The following AGAP2 variants were observed in gnomAD, a reference collection of about 807,000 sequenced individuals.
The protein encoded by AGAP2 is arf-GAP with GTPase, ANK repeat and PH domain-containing protein 2.
AGAP2 carries 32 observed loss-of-function variants against 110.9 expected under a neutral mutation model. That is an observed-to-expected ratio of 0.29 (90% confidence interval 0.22 to 0.39). The LOEUF (loss-of-function observed/expected upper bound fraction) is 0.39. Ranked by LOEUF, AGAP2 falls within the 10% of genes least tolerant of loss-of-function variation. The probability of loss-of-function intolerance (pLI) is 1.00; values close to 1 mark genes in which losing one functional copy is unlikely to be tolerated. For synonymous variants in AGAP2, 702 were observed against 713.0 expected (o/e 0.98, Z 0.25); for missense variants, 1,285 against 1,638.5 (o/e 0.78, Z 3.72).
At position 57,726,402 on chromosome 12, in the gene AGAP2, C is replaced by T; in HGVS notation, c.*150G>A. On this transcript the variant is annotated 3_prime_UTR_variant, in exon 19 of 19. Coordinates refer to ENST00000547588, the MANE Select transcript of AGAP2 (RefSeq NM_001122772.3). The surrounding 1 kb of genome is among the most constrained non-coding windows in gnomAD (Gnocchi z 5.7). The stretch of plus-strand genomic sequence containing the variant: ...AGGTGAGTTTGTGTCTTCTGGAAGG[C>T]GTGGGGGCTGTGCCCTCGTGGGGGT... The T allele has an allele frequency of 1.4e-6, 1 of 736,896 alleles. No homozygotes were observed. Among genetic ancestry groups the T allele is most frequent in the Non-Finnish European group, 1.8e-6 (1 of 564,092 alleles). The allele number at this position is 736,896 out of a possible 1,614,324, so 45.6% of individuals were successfully genotyped here.
At chr12:57,736,221 C>T (rs1489687415) in intron 1 of AGAP2, among the ~76,000 whole-genome samples, 1 of 152,186 alleles carries the variant, frequency 6.6e-6, no homozygotes, top group Non-Finnish European at 1.5e-5. Flanking sequence ...CCGGGGGCCG[C>T]CTCCGCTCCC....
chr12:57,731,454 C>T lies in AGAP2; in HGVS notation c.2057G>A (p.Arg686Gln), dbSNP rs2140358838. 3 of 1,614,080 alleles carry T rather than the reference C, an allele frequency of 1.9e-6. No individual in the cohort carries two copies. The highest frequency in any genetic ancestry group is 1.6e-4 in the Middle Eastern group (1 of 6,062). Reference sequence around the variant, plus strand: ...TTCTTTGTTCAAGGAATTGCCACTTCGTTTTAGTAGGAAGCTCTGGAGAAA... The same window carrying T: ...TTCTTTGTTCAAGGAATTGCCACTTTGTTTTAGTAGGAAGCTCTGGAGAAA... ...IPIKQSFLLK[R>Q]SGNSLNKEWK... The change falls in exon 10 of 19, where the codon CGA becomes CAA. Residue 686 changes from arginine (R) to glutamine (Q), a missense_variant. Transcript: ENST00000547588.
intron 10 of AGAP2, among the ~76,000 whole-genome samples, 156 bp from the exon 11 acceptor site, chr12:57,731,109 G>C (rs1439941569): frequency 1.3e-5 from 2 of 152,132 alleles, no homozygotes; most frequent in Non-Finnish European, 2.9e-5. Context: ...ATCAGACTTG[G>C]CCCAGCAATT....
Position 57,727,395 on chromosome 12 carries a change from C to G in AGAP2, c.3045G>C (p.Thr1015=). 6.2e-7 allele frequency: 1 copy of G among 1,612,934 alleles called. No homozygotes were observed. Among genetic ancestry groups the G allele is most frequent in the African/African-American group, 1.3e-5 (1 of 75,064 alleles). Residue 1015 remains threonine (T), a synonymous_variant, in exon 17 of 19, where the codon ACG becomes ACC. Transcript: ENST00000547588. ...CCCGCGAGGGCTTGGCACGGCCTCG[C>G]GTGTCGCTTTCCCACACGCGGTTGG... ...DTANRVWESD[T]RGRAKPSRDS...
Position 57,730,932 on chromosome 12 carries a change from C to T in AGAP2, c.2167G>A (p.Gly723Ser), listed in dbSNP as rs1044230119. 6.4e-6 allele frequency: 10 copies of T among 1,566,650 alleles called. No individual in the cohort carries two copies. Among genetic ancestry groups the T allele is most frequent in the African/African-American group, 2.7e-5 (2 of 74,060 alleles). Residue 723 changes from glycine to serine, a missense_variant, in exon 11 of 19, where the codon GGC becomes AGC. Coordinates refer to ENST00000547588, the MANE Select transcript of AGAP2 (RefSeq NM_001122772.3). ...GTTCGCAGCAAGTCCATCTCCTTGC[C>T]GTGGGTACTGTGGATGTAATCCTGG... Reference protein sequence around the residue: ...SINDYIHSTHGKEMDLLRTTV... With the variant: ...SINDYIHSTHSKEMDLLRTTV...
chr12:57,726,439 C>T lies in AGAP2; in HGVS notation c.*113G>A, dbSNP rs1432290055. 1 of 1,062,642 alleles carries T rather than the reference C, an allele frequency of 9.4e-7. No homozygotes were observed. The highest frequency in any genetic ancestry group is 5.0e-5 in the Admixed American group (1 of 20,032). 65.8% of individuals were successfully genotyped at this position (1,062,642 alleles called of 1,614,324 possible). A position where few individuals can be genotyped will look rare whatever the true frequency, so the allele number is the denominator to read the frequency against. ...GCCCTCGTGGGGGTAGGAAGTGCTCCCGTGGGGCGGGGTGCGGATCGGAGA... is the reference window on the plus strand; with the variant it reads ...GCCCTCGTGGGGGTAGGAAGTGCTCTCGTGGGGCGGGGTGCGGATCGGAGA... On this transcript the variant is annotated 3_prime_UTR_variant, in exon 19 of 19. Coordinates refer to ENST00000547588, the MANE Select transcript of AGAP2 (RefSeq NM_001122772.3). The surrounding 1 kb of genome is among the most constrained non-coding windows in gnomAD (Gnocchi z 5.7).
At chr12:57,735,263 T>G in intron 2 of AGAP2, 106 bp downstream of exon 2, 2 of 1,114,932 alleles carry the variant, frequency 1.8e-6, no homozygotes, top group Non-Finnish European at 2.7e-6. Flanking sequence ...CGATTCCCTA[T>G]TCCCAAAGAG....
chr12:57,726,653 T>A lies in AGAP2; in HGVS notation c.3478A>T (p.Ser1160Cys). Residue 1160 changes from serine (S) to cysteine (C), a missense_variant, in exon 19 of 19, where the codon AGC (serine) becomes TGC (cysteine). Ser to Cys is a moderately radical substitution (Grantham distance 112). Coordinates refer to ENST00000547588, the MANE Select transcript of AGAP2 (RefSeq NM_001122772.3). The surrounding 1 kb of genome is among the most constrained non-coding windows in gnomAD (Gnocchi z 5.7). ...GTGATGCTGGGCGTGGTGGCCGCGC[T>A]GGGCGTGGTGGCCGCGCTGCCGCCC... is the stretch of plus-strand genomic sequence containing the variant. Reference protein sequence around the residue: ...GEGGSAATTPSAATTPSITAT... With the variant: ...GEGGSAATTPCAATTPSITAT... 1 of 1,201,714 alleles carries A rather than the reference T, an allele frequency of 8.3e-7. No individual in the cohort carries two copies. Among genetic ancestry groups the A allele is most frequent in the Non-Finnish European group, 1.0e-6 (1 of 968,702 alleles). The allele number at this position is 1,201,714 out of a possible 1,614,324, so 74.4% of individuals were successfully genotyped here. A position where few individuals can be genotyped will look rare whatever the true frequency, so the allele number is the denominator to read the frequency against.
At position 57,727,713 on chromosome 12, in the gene AGAP2, C is replaced by T. The variant is rs1381139899; in HGVS notation, c.2825G>A (p.Gly942Glu). 5 of 1,605,384 alleles carry T rather than the reference C, an allele frequency of 3.1e-6. No homozygotes were observed. In the African/African-American group the frequency reaches 6.7e-5, roughly 21 times the overall value. The change falls in exon 16 of 19, where the codon GGG becomes GAG. Residue 942 changes from glycine (G) to glutamate (E), a missense_variant. This residue lies in a region of AGAP2 where 39 missense variants were observed against 45.8 expected (regional missense o/e 0.85). Coordinates refer to ENST00000547588, the MANE Select transcript of AGAP2 (RefSeq NM_001122772.3). ...VAIQAIRNAK[G>E]NSICVDCGAP... ...CCCGCAGTCCACGCAGATTGAATTCCCCTTGGCGTTCCGGATCGCCTGGAT... is the reference window on the plus strand; with the variant it reads ...CCCGCAGTCCACGCAGATTGAATTCTCCTTGGCGTTCCGGATCGCCTGGAT...
chr12:57,726,687 G>A lies in AGAP2; in HGVS notation c.3444C>T (p.Cys1148=). 8.1e-7 allele frequency: 1 copy of A among 1,230,234 alleles called. No individual in the cohort carries two copies. Among genetic ancestry groups the A allele is most frequent in the Non-Finnish European group, 1.0e-6 (1 of 985,308 alleles). The allele number at this position is 1,230,234 out of a possible 1,614,324, so 76.2% of individuals were successfully genotyped here. ...TGGCCGCGCTGCCGCCCTCACCCGG[G>A]CAGCCGTGCTGGAGAAGGATGTCGG... ...LCADILLQHG[C]PGEGGSAATT... The change falls in exon 19 of 19, where the codon TGC becomes TGT. Residue 1148 remains cysteine, a synonymous_variant. Transcript: ENST00000547588. The surrounding 1 kb of genome is among the most constrained non-coding windows in gnomAD (Gnocchi z 5.7).
rs1224696612 is a variant in AGAP2 at position 57,729,636 on chromosome 12, C to T, written c.2557+3G>A. 6.2e-7 allele frequency: 1 copy of T among 1,610,956 alleles called. No individual in the cohort carries two copies. Among genetic ancestry groups the T allele is most frequent in the Non-Finnish European group, 8.5e-7 (1 of 1,178,854 alleles). ...GGAGTGGAAGTGCCTGCCAGAGCCT[C>T]ACCTTCAGCCTGCCCAGCCGAGCCT... On this transcript the variant is annotated splice_donor_region_variant and intron_variant, in intron 13 of 18. Transcript: ENST00000547588.
rs374639452 is a variant in AGAP2, at chr12:57,731,575, C to T, written c.2021G>A (p.Arg674Gln). 1.3e-5 allele frequency: 21 copies of T among 1,613,970 alleles called. No homozygotes were observed. Among genetic ancestry groups the T allele is most frequent in the Non-Finnish European group, 1.5e-5 (18 of 1,180,024 alleles). ...ACTCACCTGTTTGATGGGGATGGCT[C>T]GCCCACTCCCTGTTGTCTCTCCCCG... ...DSRGETTGSG[R>Q]AIPIKQSFLL... Residue 674 changes from arginine to glutamine, a missense_variant, in exon 9 of 19, where the codon CGA becomes CAA. Transcript: ENST00000547588.
chr12:57,725,181 C>G (rs1419383125), downstream of AGAP2: 1 of 152,752 alleles, frequency 6.5e-6, no homozygotes, highest in Non-Finnish European at 1.5e-5. Flanking sequence ...CAAGAACAGA[C>G]CAGCAGCTCA....
intron 13 of AGAP2, among the ~76,000 whole-genome samples, chr12:57,729,421 A>G (rs1432526908): frequency 6.6e-6 from 1 of 151,846 alleles, no homozygotes; most frequent in Non-Finnish European, 1.5e-5. Flanking sequence ...GACATCGTTG[A>G]GAACAGGGGC....
At chr12:57,739,640 A>C (rs1311755110), upstream of AGAP2, 2 of 152,428 alleles carry the variant, frequency 1.3e-5, no homozygotes, top group African/African-American at 4.8e-5. Flanking sequence ...TAGCTCCAAG[A>C]GTGCCTCAGA....
chr12:57,733,695 T>A (rs1214404165), intron 5 of AGAP2, among the ~76,000 whole-genome samples: 2 of 152,196 alleles, frequency 1.3e-5, no homozygotes, highest in African/African-American at 4.8e-5. Flanking sequence ...CTATCCACCC[T>A]AGGACTTGAG....
chr12:57,737,934 A>T lies in AGAP2; in HGVS notation c.313T>A (p.Ser105Thr). ...GAGAGGCGGCGGCCGGGAGCGGGGG[A>T]GACTGGGCGGGCCGGACTGGCCGGA... ...PAPASPARPV[S>T]PAPGRRLSLW... The change falls in exon 1 of 19, where the codon TCC becomes ACC. Residue 105 changes from serine to threonine, a missense_variant. Physicochemically the swap from Ser to Thr is moderately conservative, Grantham distance 58. This residue lies in a region of AGAP2 where 844 missense variants were observed against 941.2 expected (regional missense o/e 0.90). Coordinates refer to ENST00000547588, the MANE Select transcript of AGAP2 (RefSeq NM_001122772.3). The surrounding 1 kb of genome is among the most constrained non-coding windows in gnomAD (Gnocchi z 5.9). The T allele has an allele frequency of 7.2e-7, 1 of 1,390,850 alleles. No homozygotes were observed. The highest frequency in any genetic ancestry group is 9.2e-7 in the Non-Finnish European group (1 of 1,083,452). The allele number at this position is 1,390,850 out of a possible 1,614,324, so 86.2% of individuals were successfully genotyped here. A position where few individuals can be genotyped will look rare whatever the true frequency, so the allele number is the denominator to read the frequency against.
chr12:57,727,166 G>A lies in AGAP2; in HGVS notation c.3144C>T (p.Ser1048=), dbSNP rs1216394501. The change falls in exon 18 of 19, where the codon AGC becomes AGT. Residue 1048 remains serine (S), a synonymous_variant. Transcript: ENST00000547588. ...YEQLLFLAPL[S]TSEEPLGRQL... The stretch of plus-strand genomic sequence containing the variant: ...GGCGGCCCAGCGGCTCCTCCGAGGT[G>A]CTCAGCGGCGCCAGGAACAGTAGCT... 5.0e-6 allele frequency: 8 copies of A among 1,608,554 alleles called. No homozygotes were observed. Among genetic ancestry groups the A allele is most frequent in the African/African-American group, 1.3e-5 (1 of 74,900 alleles).
upstream of AGAP2, among the ~76,000 whole-genome samples, chr12:57,740,913 G>C (rs993790406): frequency 3.3e-5 from 5 of 152,212 alleles, no homozygotes; most frequent in African/African-American, 4.8e-5. Context: ...GTGTCCTTGA[G>C]GGAAAGAATG....
Sources: allele counts gnomAD v4.1 joint callset (sites outside exome capture counted in the v4.1 genomes callset), GRCh38; gene constraint gnomAD v4.1.1; regional missense constraint gnomAD v4.1.1; non-coding constraint Gnocchi (gnomAD v3.1); transcripts MANE v1.5; gene names NCBI Gene and HGNC (gene_info 2026-07-23, HGNC 2026-07-21).